The following NEBL variants were observed in gnomAD, a reference collection of about 807,000 sequenced individuals.
NEBL encodes the protein LIM and SH3 protein 2.
A neutral mutation model predicts 140.2 loss-of-function variants in NEBL; 122 were observed. That is an observed-to-expected ratio of 0.87 (90% CI 0.75 to 1.01). The LOEUF (loss-of-function observed/expected upper bound fraction) is 1.01, where lower values mean the gene tolerates loss of function less well. Ranked by LOEUF, NEBL falls within the 50% of genes least tolerant of loss-of-function variation. The pLI is 0.00. For missense variants in NEBL, 1,365 were observed against 1,231.3 expected, an observed-to-expected ratio of 1.11 and a Z score of -1.62; for synonymous variants, 436 against 398.9, an observed-to-expected ratio of 1.09 and a Z score of -1.11.
At chr10:21,257,799 G>A (rs535804584) in intron 1 of NEBL, among the ~76,000 whole-genome samples, 1 of 152,040 alleles carries the variant, frequency 6.6e-6, no homozygotes, top group Admixed American at 6.6e-5. Context: ...GCAGGAGAAT[G>A]GCGTGAAACC....
chr10:21,242,646 G>A (rs1564548674), intron 3 of NEBL, among the ~76,000 whole-genome samples: 2 of 152,130 alleles, frequency 1.3e-5, no homozygotes, highest in Non-Finnish European at 2.9e-5. Flanking sequence ...TGCTGTACTG[G>A]CCGAGAGGTG....
At chr10:21,230,677 T>C (rs1201058190) in intron 3 of NEBL, among the ~76,000 whole-genome samples, 4 of 151,792 alleles carry the variant, frequency 2.6e-5, no homozygotes, top group Non-Finnish European at 2.9e-5. Flanking sequence ...TGATCTTGGT[T>C]CACTGCAACC....
chr10:20,880,634 G>C (rs926483591), intron 5 of NEBL, among the ~76,000 whole-genome samples, 160 bp downstream of exon 5: 1 of 152,196 alleles, frequency 6.6e-6, no homozygotes, highest in South Asian at 2.1e-4. Flanking sequence ...GTTAATGACT[G>C]TGGATAGAAT....
chr10:21,082,937 AT>A (rs1168719662), intron 2 of NEBL, among the ~76,000 whole-genome samples: 12 of 151,692 alleles, frequency 7.9e-5, no homozygotes, highest in Non-Finnish European at 1.2e-4. Flanking sequence ...TAATTTTTGA[AT>A]TTTTTTAGAG....
At chr10:21,169,265 C>T (rs986039462) in intron 2 of NEBL, among the ~76,000 whole-genome samples, 6 of 149,768 alleles carry the variant, frequency 4.0e-5, no homozygotes, top group Admixed American at 2.7e-4. Context: ...CAGGGGAAGA[C>T]GAAGAGTTGT....
intron 2 of NEBL, among the ~76,000 whole-genome samples, chr10:21,161,558 C>T (rs796287427): frequency 2.0e-5 from 3 of 152,230 alleles, no homozygotes; most frequent in African/African-American, 7.2e-5. Context: ...AGGACAGACT[C>T]GTGTATCAAT....
At chr10:20,853,973 T>C (rs1012459828) in intron 9 of NEBL, among the ~76,000 whole-genome samples, 1 of 152,214 alleles carries the variant, frequency 6.6e-6, no homozygotes, top group African/African-American at 2.4e-5. Context: ...ACACACTGTA[T>C]GCCTGTATCA....
chr10:21,060,186 C>A (rs1254798670), intron 2 of NEBL, among the ~76,000 whole-genome samples: 1 of 152,212 alleles, frequency 6.6e-6, no homozygotes, highest in Non-Finnish European at 1.5e-5. Flanking sequence ...GACAGTACAG[C>A]TGATTAAGCC....
intron 11 of NEBL, 126 bp from the exon 12 acceptor site, chr10:20,845,494 C>T (rs1175902682): frequency 6.3e-6 from 4 of 632,120 alleles, no homozygotes; most frequent in African/African-American, 3.7e-5. Flanking sequence ...TGAGGGTCAT[C>T]CTATCAACAG....
intron 3 of NEBL, among the ~76,000 whole-genome samples, chr10:21,244,676 AT>A (rs1588557717): frequency 1.3e-5 from 2 of 151,778 alleles, no homozygotes; most frequent in East Asian, 3.9e-4. Context: ...TAAACTAAAA[AT>A]TTTTTTAAAA....
intron 10 of NEBL, among the ~76,000 whole-genome samples, chr10:20,850,983 T>A (rs12262319): frequency 2.0e-5 from 3 of 152,346 alleles, no homozygotes; most frequent in African/African-American, 7.2e-5. Flanking sequence ...AATTTTTTCA[T>A]AGACACTGAG....
chr10:20,853,493 T>G (rs1328429249), intron 9 of NEBL, among the ~76,000 whole-genome samples: 1 of 152,196 alleles, frequency 6.6e-6, no homozygotes, highest in East Asian at 1.9e-4. Flanking sequence ...ATGAACGAGA[T>G]CCTGCCATTT....
chr10:21,110,582 C>T (rs1837953423), intron 2 of NEBL: 1 of 204,344 alleles, frequency 4.9e-6, no homozygotes, highest in South Asian at 7.2e-5. Flanking sequence ...TCTCAAATAA[C>T]TAGCCCTGGT....
chr10:20,787,640 C>T (rs540447633), intron 26 of NEBL, among the ~76,000 whole-genome samples: 1 of 152,160 alleles, frequency 6.6e-6, no homozygotes, highest in East Asian at 1.9e-4. Context: ...ACCATGTGAT[C>T]CTTTTTGGCA....
chr10:20,895,820 G>A (rs1183225132), intron 2 of NEBL, among the ~76,000 whole-genome samples: 1 of 152,216 alleles, frequency 6.6e-6, no homozygotes, highest in Admixed American at 6.5e-5. Flanking sequence ...GTAAAAGGAA[G>A]TAACAGACAG....
At chr10:20,941,957 G>C (rs1477343236) in intron 4 of NEBL, among the ~76,000 whole-genome samples, 2 of 152,174 alleles carry the variant, frequency 1.3e-5, no homozygotes, top group South Asian at 2.1e-4. Context: ...ACAAATGGAA[G>C]AACATTCCAT....
intron 2 of NEBL, among the ~76,000 whole-genome samples, chr10:21,155,348 T>C (rs969215397): frequency 6.6e-6 from 1 of 152,206 alleles, no homozygotes; most frequent in Admixed American, 6.5e-5. Context: ...ATAATCACCT[T>C]GTTGTGCTAT....
intron 2 of NEBL, among the ~76,000 whole-genome samples, chr10:21,085,192 C>T (rs143209133): frequency 6.6e-5 from 10 of 152,334 alleles, no homozygotes; most frequent in African/African-American, 2.4e-4. Flanking sequence ...CCATCACATG[C>T]TAATCTTGAA....
intron 4 of NEBL, among the ~76,000 whole-genome samples, chr10:20,934,238 G>A (rs1333312217): frequency 6.6e-6 from 1 of 152,130 alleles, no homozygotes; most frequent in Non-Finnish European, 1.5e-5. Context: ...TACAGAGAGT[G>A]CCTAGGTCTC....
Sources: gnomAD v4.1 joint callset for allele counts (sites outside exome capture counted in the v4.1 genomes callset) on GRCh38, gnomAD v4.1.1 for gene constraint, MANE v1.5 for transcripts, NCBI Gene and HGNC (gene_info 2026-07-23, HGNC 2026-07-21) for gene names.